Variants in OSBPL9 observed in about 807,000 individuals in gnomAD.
OSBPL9 encodes oxysterol binding protein like 9.
A neutral mutation model predicts 106.6 loss-of-function variants in OSBPL9; 40 were observed. That is an observed-to-expected ratio of 0.38 (90% CI 0.29 to 0.49). The LOEUF (loss-of-function observed/expected upper bound fraction) is 0.49. Among genes scored for constraint, OSBPL9 ranks in the 20% least tolerant of loss-of-function variants. The pLI is 0.97. For synonymous variants in OSBPL9, 269 were observed against 295.4 expected, an observed-to-expected ratio of 0.91 and a Z score of 0.92; for missense variants, 609 against 887.2, an observed-to-expected ratio of 0.69 and a Z score of 3.98.
the OSBPL9 span, among the ~76,000 whole-genome samples, chr1:51,529,564 A>T: frequency 6.6e-6 from 1 of 152,084 alleles, no homozygotes; most frequent in African/African-American, 2.4e-5. Flanking sequence ...TAGTCAAGAT[A>T]GCATGGTACT....
At chr1:51,529,176 CA>C in the OSBPL9 span, among the ~76,000 whole-genome samples, 1 of 151,820 alleles carries the variant, frequency 6.6e-6, no homozygotes, top group Non-Finnish European at 1.5e-5. Flanking sequence ...ATGGAATTTC[CA>C]GTAACTCAGA....
At chr1:51,784,649 C>G in intron 20 of OSBPL9, 67 bp downstream of exon 20, 1 of 1,520,296 alleles carries the variant, frequency 6.6e-7, no homozygotes. Flanking sequence ...TCTTGAACTA[C>G]AGCTTCTGGA....
chr1:51,574,671 CA>C (rs1483841997), upstream of OSBPL9, among the ~76,000 whole-genome samples: 6 of 151,610 alleles, frequency 4.0e-5, no homozygotes, highest in East Asian at 1.2e-3. Flanking sequence ...TGATCATAGA[CA>C]AAAACAAAAA....
chr1:51,772,556 C>G (rs769097994), intron 13 of OSBPL9, 49 bp from the exon 14 acceptor site: 1 of 1,358,584 alleles, frequency 7.4e-7, no homozygotes, highest in Admixed American at 1.7e-5. Flanking sequence ...AGTATCAGGA[C>G]AGATTGGCCC....
chr1:51,678,261 C>A (rs1430312437), intron 3 of OSBPL9, among the ~76,000 whole-genome samples: 1 of 152,030 alleles, frequency 6.6e-6, no homozygotes, highest in Non-Finnish European at 1.5e-5. Context: ...TACAAGTTGC[C>A]TAAGACAAAA....
chr1:51,661,772 T>G (rs1373723625), intron 2 of OSBPL9, among the ~76,000 whole-genome samples: 6 of 152,062 alleles, frequency 3.9e-5, no homozygotes, highest in Non-Finnish European at 7.4e-5. Flanking sequence ...TTACCAGATA[T>G]AATCAAAAAA....
At chr1:51,574,341 C>T (rs112187932), upstream of OSBPL9, among the ~76,000 whole-genome samples, 1,149 of 152,190 alleles carry the variant, frequency 7.5e-3, 11 homozygotes, top group African/African-American at 0.025. Flanking sequence ...TGAAACAGGC[C>T]GGGCGCGGTG....
rs183837129 is a variant in OSBPL9 at position 51,766,722 on chromosome 1, G to A, written c.938+741G>A. On this transcript the variant is annotated intron_variant, in intron 12 of 23. Transcript: ENST00000428468. Reference sequence around the variant, plus strand: ...CAAGTCTACTTACAGGGAAATGGAAGTCCACCTCAAATCTGTCTCTCTGCA... The same window carrying A: ...CAAGTCTACTTACAGGGAAATGGAAATCCACCTCAAATCTGTCTCTCTGCA... Among the ~76,000 whole-genome samples, 47 of 150,334 alleles carry A rather than the reference G, an allele frequency of 3.1e-4. 1 individual carries two copies. The East Asian group carries it at 8.7e-3, about 28-fold the overall frequency.
chr1:51,597,423 ATGTGTGTG>A (rs71063046), intron 1 of OSBPL9, among the ~76,000 whole-genome samples: 1,678 of 135,798 alleles, frequency 0.012, 25 homozygotes, highest in African/African-American at 0.034. Context: ...ATATATATAT[ATGTGTGTG>A]TGTGTGTGTG....
upstream of OSBPL9, chr1:51,614,381 T>G (rs1425769457): frequency 6.6e-6 from 1 of 152,258 alleles, no homozygotes; most frequent in African/African-American, 2.4e-5. Flanking sequence ...CTTGACCTCC[T>G]GGGCTCAAGC....
chr1:51,543,353 T>C, the OSBPL9 span, among the ~76,000 whole-genome samples: 2 of 152,200 alleles, frequency 1.3e-5, no homozygotes, highest in African/African-American at 2.4e-5. Flanking sequence ...GCAGGTCTTC[T>C]TACAACCTCC....
intron 8 of OSBPL9, among the ~76,000 whole-genome samples, chr1:51,754,478 A>G (rs958885015): frequency 2.0e-5 from 3 of 152,218 alleles, no homozygotes; most frequent in Admixed American, 6.5e-5. Flanking sequence ...ACACAGATCA[A>G]TTTGATTTAT....
chr1:51,617,033 G>T (rs1378772170), upstream of OSBPL9: 43 of 953,514 alleles, frequency 4.5e-5, no homozygotes, highest in Admixed American at 5.1e-4. Context: ...CCCGCCCCCT[G>T]CGGCCCCGCC....
At chr1:51,534,255 T>G in the OSBPL9 span, among the ~76,000 whole-genome samples, 19 of 139,470 alleles carry the variant, frequency 1.4e-4, no homozygotes, top group Admixed American at 1.3e-3. Context: ...GTCATACTGG[T>G]TTTTTTGTTT....
chr1:51,539,637 A>G, the OSBPL9 span, among the ~76,000 whole-genome samples: 1 of 152,222 alleles, frequency 6.6e-6, no homozygotes, highest in Admixed American at 6.5e-5. Flanking sequence ...AACTCCATGA[A>G]GTAAAACCCA....
chr1:51,767,293 T>C (rs1292294764), intron 12 of OSBPL9, among the ~76,000 whole-genome samples: 5 of 151,358 alleles, frequency 3.3e-5, no homozygotes, highest in Non-Finnish European at 7.4e-5. Context: ...CTCGGGAGGC[T>C]AAGATGGGAG....
the OSBPL9 span, among the ~76,000 whole-genome samples, chr1:51,541,488 C>G: frequency 5.9e-5 from 9 of 152,156 alleles, no homozygotes; most frequent in African/African-American, 1.4e-4. Context: ...CCTCATGCTG[C>G]CTGATTCAAA....
At chr1:51,539,939 A>T in the OSBPL9 span, among the ~76,000 whole-genome samples, 3 of 152,046 alleles carry the variant, frequency 2.0e-5, no homozygotes, top group Non-Finnish European at 2.9e-5. Context: ...AACTCATCTC[A>T]TGCTTCCTTT....
chr1:51,679,298 GT>G (rs1651998466), intron 3 of OSBPL9, among the ~76,000 whole-genome samples: 1 of 152,192 alleles, frequency 6.6e-6, no homozygotes, highest in African/African-American at 2.4e-5. Flanking sequence ...AGAGAGGATA[GT>G]TTTATTTTTT....
Sources: allele counts gnomAD v4.1 joint callset (sites outside exome capture counted in the v4.1 genomes callset), GRCh38; gene constraint gnomAD v4.1.1; transcripts MANE v1.5; gene names NCBI Gene and HGNC (gene_info 2026-07-23, HGNC 2026-07-21).